Variants in USP34 observed in about 807,000 individuals in gnomAD.
USP34 encodes ubiquitin specific peptidase 34.
A neutral mutation model predicts 460.3 loss-of-function variants in USP34; 70 were observed. The observed-to-expected ratio is 0.15, with a 90% CI of 0.13 to 0.19. The LOEUF (loss-of-function observed/expected upper bound fraction) is 0.19. USP34 is among the 10% of genes least tolerant of loss of function. The probability of loss-of-function intolerance (pLI) is 1.00; values close to 1 mark genes in which losing one functional copy is unlikely to be tolerated. For synonymous variants in USP34, 1,647 were observed against 1,405.3 expected, an observed-to-expected ratio of 1.17 and a Z score of -3.85; for missense variants, 3,985 against 4,236.2, an observed-to-expected ratio of 0.94 and a Z score of 1.65.
At chr2:61,426,366 C>T (rs1694511273) in intron 1 of USP34, among the ~76,000 whole-genome samples, 1 of 152,146 alleles carries the variant, frequency 6.6e-6, no homozygotes, top group Non-Finnish European at 1.5e-5. Flanking sequence ...GGGGAGCCCA[C>T]TGCCCTGAAG....
intron 1 of USP34, among the ~76,000 whole-genome samples, chr2:61,447,392 T>C (rs556242614): frequency 3.9e-5 from 6 of 152,260 alleles, no homozygotes; most frequent in African/African-American, 1.4e-4. Context: ...TTAATTTTTC[T>C]ATCAAAGCTC....
Position 61,221,600 on chromosome 2 carries a change from T to C in USP34, c.7801A>G (p.Asn2601Asp), listed in dbSNP as rs1332222246. ...SIAKLTPEAA[N>D]PFFKLLTMLM... ...ATAGTCAACAACTTAAAGAAAGGAT[T>C]GGCTGCCTGTAAAACACATACATGA... Residue 2601 changes from asparagine (N) to aspartate (D), a missense_variant, in exon 66 of 80, where the codon AAT becomes GAT. Asn to Asp is a conservative substitution (Grantham distance 23, BLOSUM62 1). Coordinates refer to ENST00000398571, the MANE Select transcript of USP34 (RefSeq NM_014709.4). 1 of 1,613,764 alleles carries C rather than the reference T, an allele frequency of 6.2e-7. No homozygotes were observed.
At chr2:61,299,934 T>C (rs1690168976) in intron 29 of USP34, among the ~76,000 whole-genome samples, 1 of 152,152 alleles carries the variant, frequency 6.6e-6, no homozygotes, top group African/African-American at 2.4e-5. Context: ...ATCCACCCAG[T>C]TGCACAGGCC....
In USP34 at chr2:61,296,941, C is replaced by T. The variant is rs370159851; in HGVS notation, c.4129-16G>A. The stretch of plus-strand genomic sequence containing the variant: ...ATCGTAAGCTCTACACAAATAAGAA[C>T]AACTACTTTATCAAAACAGATCAGA... On this transcript the variant is annotated splice_polypyrimidine_tract_variant and intron_variant, in intron 29 of 79. Coordinates refer to ENST00000398571, the MANE Select transcript of USP34 (RefSeq NM_014709.4). The T allele has an allele frequency of 2.9e-5, 47 of 1,600,320 alleles. No homozygotes were observed. Among genetic ancestry groups the T allele is most frequent in the Admixed American group, 2.9e-4 (16 of 55,918 alleles).
At position 61,333,978 on chromosome 2, in the gene USP34, C is replaced by G. The variant is rs1572943321; in HGVS notation, c.2745-7G>C. On this transcript the variant is annotated splice_polypyrimidine_tract_variant and splice_region_variant and intron_variant, in intron 18 of 79. Transcript: ENST00000398571. Reference sequence around the variant, plus strand: ...AAGTGAAATTACTACTGATCTGAAACAGCAGAAACATTCACAAAATAATTT... The same window carrying G: ...AAGTGAAATTACTACTGATCTGAAAGAGCAGAAACATTCACAAAATAATTT... 2.6e-6 allele frequency: 4 copies of G among 1,541,380 alleles called. No homozygotes were observed. Among genetic ancestry groups the G allele is most frequent in the Non-Finnish European group, 3.5e-6 (4 of 1,145,894 alleles).
At chr2:61,283,708 C>G (rs900424068) in intron 35 of USP34, among the ~76,000 whole-genome samples, 2 of 152,100 alleles carry the variant, frequency 1.3e-5, no homozygotes, top group Admixed American at 1.3e-4. Flanking sequence ...CCTTGACCTT[C>G]CAGGCTCAAG....
At chr2:61,198,653 G>A (rs536359503) in intron 75 of USP34, among the ~76,000 whole-genome samples, 1 of 151,786 alleles carries the variant, frequency 6.6e-6, no homozygotes, top group South Asian at 2.1e-4. Context: ...CACGGATCAC[G>A]AGGTCAGGAG....
At chr2:61,368,366 A>C (rs1429689442) in intron 10 of USP34, among the ~76,000 whole-genome samples, 1 of 151,920 alleles carries the variant, frequency 6.6e-6, no homozygotes, top group Non-Finnish European at 1.5e-5. Flanking sequence ...CGGGAGGCAG[A>C]GGTTGCTGTG....
intron 25 of USP34, among the ~76,000 whole-genome samples, chr2:61,312,891 T>C (rs1372964879): frequency 1.3e-5 from 2 of 152,202 alleles, no homozygotes; most frequent in Admixed American, 6.5e-5. Flanking sequence ...TGAGAACCAC[T>C]GTTTAAGATT....
intron 2 of USP34, among the ~76,000 whole-genome samples, chr2:61,410,163 TA>T (rs1263975416): frequency 2.0e-5 from 3 of 152,164 alleles, no homozygotes; most frequent in African/African-American, 7.2e-5. Flanking sequence ...CACACTGTAA[TA>T]TATAATGAAA....
chr2:61,300,455 G>A (rs1690184679), intron 29 of USP34, among the ~76,000 whole-genome samples: 1 of 150,838 alleles, frequency 6.6e-6, no homozygotes, highest in Non-Finnish European at 1.5e-5. Flanking sequence ...CCAAAGTGCT[G>A]GGATCACAGG....
Position 61,188,251 on chromosome 2 carries a change from C to T in USP34, c.10492G>A (p.Val3498Ile), listed in dbSNP as rs1365957969. ...TGGCCACAACTGAGAGATAAAGCAA[C>T]CTCAGGGTCCTGGGAGGGCAAAGCT... ...GQALPSQDPE[V>I]ALSLSCGHSR... Residue 3498 changes from valine to isoleucine, a missense_variant, in exon 80 of 80, where the codon GTT (valine) becomes ATT (isoleucine). By Grantham distance (29) the Val-to-Ile change is conservative. Around this residue, in one of 14 missense-constraint regions of USP34, gnomAD observed 506 missense variants for 439.0 expected, o/e 1.15. Coordinates refer to ENST00000398571, the MANE Select transcript of USP34 (RefSeq NM_014709.4). 1 of 1,613,992 alleles carries T rather than the reference C, an allele frequency of 6.2e-7. No individual in the cohort carries two copies. The highest frequency in any genetic ancestry group is 1.7e-5 in the Admixed American group (1 of 59,990).
intron 1 of USP34, among the ~76,000 whole-genome samples, chr2:61,455,010 C>G (rs1347659369): frequency 6.6e-6 from 1 of 151,534 alleles, no homozygotes; most frequent in African/African-American, 2.4e-5. Flanking sequence ...GCCTGGCAAG[C>G]AGCTGGGATT....
At chr2:61,454,308 G>T (rs1356188446) in intron 1 of USP34, among the ~76,000 whole-genome samples, 1 of 152,026 alleles carries the variant, frequency 6.6e-6, no homozygotes, top group East Asian at 1.9e-4. Context: ...GTTTTTAGTA[G>T]AGATAGGGTT....
chr2:61,452,644 A>T (rs1695318081), intron 1 of USP34, among the ~76,000 whole-genome samples: 1 of 151,820 alleles, frequency 6.6e-6, no homozygotes, highest in South Asian at 2.1e-4. Flanking sequence ...AGCACTTTGG[A>T]AGGCCAAGAC....
intron 1 of USP34, among the ~76,000 whole-genome samples, chr2:61,464,625 CTCACGCCTGTAG>C (rs1196557907): frequency 5.3e-5 from 8 of 150,122 alleles, no homozygotes; most frequent in Non-Finnish European, 1.2e-4. Flanking sequence ...GGCGTGGTGG[CTCACGCCTGTAG>C]TCCCAGGAGG....
intron 76 of USP34, 110 bp from the exon 77 acceptor site, chr2:61,190,768 C>G: frequency 7.4e-7 from 1 of 1,346,956 alleles, no homozygotes; most frequent in East Asian, 2.4e-5. Context: ...GAATCTGAAG[C>G]CACTGAAAAT....
At position 61,295,891 on chromosome 2, in the gene USP34, T is replaced by C. The variant is rs139484029; in HGVS notation, c.4255-601A>G. Among the ~76,000 whole-genome samples, 1,161 of 152,340 alleles carry C rather than the reference T, an allele frequency of 7.6e-3. 15 individuals carry two copies. The highest frequency in any genetic ancestry group is 0.025 in the African/African-American group (1,054 of 41,568). On this transcript the variant is annotated intron_variant, in intron 30 of 79. Coordinates refer to ENST00000398571, the MANE Select transcript of USP34 (RefSeq NM_014709.4). ...CTAGAATTAGTATAACATTAGGACA[T>C]TTATTTTTTCATTCATCCTGTAGAG... is the stretch of plus-strand genomic sequence containing the variant.
intron 37 of USP34, among the ~76,000 whole-genome samples, chr2:61,282,296 G>C (rs147366843): frequency 6.6e-6 from 1 of 152,248 alleles, no homozygotes; most frequent in Non-Finnish European, 1.5e-5. Context: ...AATATTATTA[G>C]ACAACGCAGG....
Sources: gnomAD v4.1 joint callset for allele counts (sites outside exome capture counted in the v4.1 genomes callset) on GRCh38, gnomAD v4.1.1 for gene constraint, gnomAD v4.1.1 regional missense constraint, MANE v1.5 for transcripts, NCBI Gene and HGNC (gene_info 2026-07-23, HGNC 2026-07-21) for gene names.